DNAJA3: variants seen among roughly 807,000 people sequenced by gnomAD.
DNAJA3 encodes dnaJ homolog subfamily A member 3, mitochondrial.
Under a neutral mutation model 54.9 loss-of-function variants are expected in DNAJA3, and 29 were observed. That is an observed-to-expected ratio of 0.53 (90% CI 0.39 to 0.72). DNAJA3 has a LOEUF of 0.72. Ranked by LOEUF, DNAJA3 falls within the 30% of genes least tolerant of loss-of-function variation. The probability of loss-of-function intolerance (pLI) is 0.00; values close to 1 mark genes in which losing one functional copy is unlikely to be tolerated. For missense variants in DNAJA3, 708 were observed against 639.4 expected, an observed-to-expected ratio of 1.11 and a Z score of -1.16; for synonymous variants, 302 against 251.4, an observed-to-expected ratio of 1.20 and a Z score of -1.90.
intron 9 of DNAJA3, among the ~76,000 whole-genome samples, chr16:4,449,304 C>G (rs769913375): frequency 6.6e-6 from 1 of 151,964 alleles, no homozygotes; most frequent in African/African-American, 2.4e-5. Context: ...CCAGAATGGT[C>G]GACTTCTTGG....
chr16:4,450,602 T>C lies in DNAJA3; in HGVS notation c.1339+105T>C, dbSNP rs961112212. On this transcript the variant is annotated intron_variant, in intron 10 of 11. Transcript: ENST00000262375. ...TGGGGTTTCCACTTCGGGTTCTTCA[T>C]GAAGCCTTTAAAATGTGCAGTTGAA... 7 of 861,810 alleles carry C rather than the reference T, an allele frequency of 8.1e-6. No homozygotes were observed. The Admixed American group carries it at 1.7e-4, about 21-fold the overall frequency. The allele number at this position is 861,810 out of a possible 1,614,324, so 53.4% of individuals were successfully genotyped here.
In DNAJA3 at chr16:4,437,507, C is replaced by T. The variant is rs370691128; in HGVS notation, c.429+22C>T. On this transcript the variant is annotated intron_variant, in intron 3 of 11. Coordinates refer to ENST00000262375, the MANE Select transcript of DNAJA3 (RefSeq NM_005147.6). ...TGAGGTAATATGACTTCGGTGCATG[C>T]GGTCACTGCTGTTCAGCTATGTGTA... is the stretch of plus-strand genomic sequence containing the variant. 2.1e-5 allele frequency: 34 copies of T among 1,594,814 alleles called. No homozygotes were observed. The East Asian group carries it at 2.9e-4, about 14-fold the overall frequency.
chr16:4,442,318 G>C lies in DNAJA3; in HGVS notation c.681G>C (p.Glu227Asp), dbSNP rs1437310794. Residue 227 changes from glutamate to aspartate, a missense_variant, in exon 5 of 12, where the codon GAG (glutamate) becomes GAC (aspartate). Coordinates refer to ENST00000262375, the MANE Select transcript of DNAJA3 (RefSeq NM_005147.6). ...AAGCTGCAAAGGGGGTCAACAAGGAGTTCACCGTGAACATCATGGACACGT... is the reference window on the plus strand; with the variant it reads ...AAGCTGCAAAGGGGGTCAACAAGGACTTCACCGTGAACATCATGGACACGT... ...FNQAAKGVNK[E>D]FTVNIMDTCE... The C allele has an allele frequency of 6.2e-7, 1 of 1,607,658 alleles. No individual in the cohort carries two copies. The highest frequency in any genetic ancestry group is 8.5e-7 in the Non-Finnish European group (1 of 1,176,608).
chr16:4,436,674 T>C, intron 2 of DNAJA3, among the ~76,000 whole-genome samples: 1 of 151,890 alleles, frequency 6.6e-6, no homozygotes, highest in East Asian at 1.9e-4. Context: ...TACCTGTGTT[T>C]ATAGGCGCGT....
chr16:4,431,514 A>G (rs1446272738), intron 1 of DNAJA3: 1 of 151,820 alleles, frequency 6.6e-6, no homozygotes, highest in East Asian at 1.9e-4. Context: ...GATGTGCTCA[A>G]CCAACCTCTG....
chr16:4,432,792 C>T (rs1426403864), intron 1 of DNAJA3, among the ~76,000 whole-genome samples: 11 of 151,726 alleles, frequency 7.2e-5, no homozygotes, highest in African/African-American at 4.8e-5. Flanking sequence ...GCCAAAATCG[C>T]ACCACTGCAC....
intron 1 of DNAJA3, among the ~76,000 whole-genome samples, chr16:4,429,238 C>T (rs2141367792): frequency 6.6e-6 from 1 of 151,070 alleles, no homozygotes; most frequent in East Asian, 2.0e-4. Flanking sequence ...TGTAGCCAGG[C>T]TGGAGTGCAG....
At chr16:4,446,000 C>T (rs1408731688) in intron 7 of DNAJA3, among the ~76,000 whole-genome samples, 1 of 150,856 alleles carries the variant, frequency 6.6e-6, no homozygotes, top group Admixed American at 6.6e-5. Context: ...CAGCTCACTG[C>T]AACCTCCACC....
Position 4,430,366 on chromosome 16 carries a change from A to AGCCTG in DNAJA3, c.212-4014_212-4010dup, listed in dbSNP as rs1287165338. Among the ~76,000 whole-genome samples the AGCCTG allele has an allele frequency of 2.0e-5, 3 of 151,942 alleles. No homozygotes were observed. In the East Asian group the frequency reaches 5.9e-4, roughly 30 times the overall value. On this transcript the variant is annotated intron_variant, in intron 1 of 11. Transcript: ENST00000262375. ...CGCCTGAGGTCAGGAGTTTGAGACC[A>AGCCTG]GCCTGGCCAAGATGGCCAAAGCTTG...
At chr16:4,452,397 G>A (rs774237567) in intron 10 of DNAJA3, among the ~76,000 whole-genome samples, 21 of 152,094 alleles carry the variant, frequency 1.4e-4, no homozygotes, top group Non-Finnish European at 2.5e-4. Context: ...GTTCGTGGGT[G>A]TTGCTTACTC....
chr16:4,443,186 G>C (rs2056858782), intron 6 of DNAJA3, 22 bp downstream of exon 6: 1 of 1,613,178 alleles, frequency 6.2e-7, no homozygotes, highest in Non-Finnish European at 8.5e-7. Flanking sequence ...GGCCCGCCAT[G>C]TCCAGGAGCT....
intron 8 of DNAJA3, among the ~76,000 whole-genome samples, chr16:4,448,398 C>T (rs560729194): frequency 2.0e-5 from 3 of 152,194 alleles, no homozygotes; most frequent in African/African-American, 7.2e-5. Flanking sequence ...AGCTGGAGTG[C>T]AATGGCACAA....
intron 11 of DNAJA3, 176 bp from the exon 12 acceptor site, chr16:4,455,370 G>A (rs1235446292): frequency 1.0e-5 from 7 of 685,582 alleles, no homozygotes; most frequent in Middle Eastern, 3.9e-4. Flanking sequence ...CAGGGGTAGC[G>A]CTTGCTCGCC....
chr16:4,434,191 TC>T (rs2056742793), intron 1 of DNAJA3, 192 bp from the exon 2 acceptor site: 2 of 585,918 alleles, frequency 3.4e-6, no homozygotes, highest in Admixed American at 6.9e-5. Context: ...TTCAGTTACC[TC>T]CCATCAGGTC....
intron 8 of DNAJA3, 73 bp from the exon 9 acceptor site, chr16:4,448,660 T>C: frequency 9.9e-7 from 1 of 1,015,106 alleles, no homozygotes; most frequent in Non-Finnish European, 1.5e-6. Flanking sequence ...ATCAAGATTG[T>C]CTTCATGTAG....
intron 1 of DNAJA3, chr16:4,431,861 G>C (rs959654994): frequency 6.6e-6 from 1 of 151,806 alleles, no homozygotes; most frequent in African/African-American, 2.4e-5. Context: ...TACAATAGGC[G>C]TGAGCCACCT....
In DNAJA3 at chr16:4,426,033, C is replaced by A. The variant is rs779570415; in HGVS notation, c.152C>A (p.Ser51Tyr). The A allele has an allele frequency of 5.6e-6, 9 of 1,607,474 alleles. 1 individual carries two copies. In the South Asian group the frequency reaches 8.9e-5, roughly 16 times the overall value. The part of the protein sequence containing the change: ...RKLSVPAFAS[S>Y]LTSCGPRALL... ...CTGAGCGTCCCCGCCTTTGCGTCTT[C>A]CCTGACCTCTTGCGGCCCCCGAGCG... is the stretch of plus-strand genomic sequence containing the variant. The change falls in exon 1 of 12, where the codon TCC becomes TAC. Residue 51 changes from serine to tyrosine, a missense_variant. Transcript: ENST00000262375.
At chr16:4,434,562 T>C in intron 2 of DNAJA3, 45 bp downstream of exon 2, 1 of 1,598,492 alleles carries the variant, frequency 6.3e-7, no homozygotes, top group Non-Finnish European at 8.5e-7. Flanking sequence ...GTAGTAGGAA[T>C]GTTGTTGATC....
chr16:4,441,355 G>A lies in DNAJA3; in HGVS notation c.430-20G>A. 1 of 1,602,032 alleles carries A rather than the reference G, an allele frequency of 6.2e-7. No individual in the cohort carries two copies. Among genetic ancestry groups the A allele is most frequent in the Non-Finnish European group, 8.5e-7 (1 of 1,173,560 alleles). On this transcript the variant is annotated intron_variant, in intron 3 of 11. Coordinates refer to ENST00000262375, the MANE Select transcript of DNAJA3 (RefSeq NM_005147.6). ...CCTTGGTAGACCTGGGATGCCCAGT[G>A]GCTCTGCCTTTCACTGTAGGTTTTG...
Sources: gnomAD v4.1 joint callset for allele counts (sites outside exome capture counted in the v4.1 genomes callset) on GRCh38, gnomAD v4.1.1 for gene constraint, MANE v1.5 for transcripts, NCBI Gene and HGNC (gene_info 2026-07-23, HGNC 2026-07-21) for gene names.